Variants in LDB2 observed in about 807,000 individuals in gnomAD.
The protein encoded by LDB2 is LIM domain-binding protein 2.
A neutral mutation model predicts 44.3 loss-of-function variants in LDB2; 12 were observed. The ratio of observed to expected loss-of-function variants is 0.27; its 90% confidence interval spans 0.17 to 0.44. LDB2 has a LOEUF of 0.44. Ranked by LOEUF, LDB2 falls within the 20% of genes least tolerant of loss-of-function variation. The pLI is 1.00. For synonymous variants in LDB2, 164 were observed against 174.8 expected, an observed-to-expected ratio of 0.94 and a Z score of 0.49; for missense variants, 344 against 473.5, an observed-to-expected ratio of 0.73 and a Z score of 2.54.
chr4:16,855,963 G>A (rs1181362650), intron 1 of LDB2, among the ~76,000 whole-genome samples: 1 of 152,078 alleles, frequency 6.6e-6, no homozygotes, highest in Non-Finnish European at 1.5e-5. Context: ...CCACACTAAA[G>A]CTAACACTTA....
intron 4 of LDB2, 141 bp from the exon 5 acceptor site, chr4:16,586,146 A>G (rs919024723): frequency 1.6e-6 from 1 of 644,394 alleles, no homozygotes; most frequent in African/African-American, 1.8e-5. Context: ...GAGGTAATTT[A>G]ATTTACATTT....
At chr4:16,839,446 C>T (rs1785467464) in intron 1 of LDB2, among the ~76,000 whole-genome samples, 1 of 152,200 alleles carries the variant, frequency 6.6e-6, no homozygotes, top group Non-Finnish European at 1.5e-5. Context: ...AGGGATCCAC[C>T]TCCATGGCTC....
chr4:16,650,141 A>G (rs944504953), intron 2 of LDB2, among the ~76,000 whole-genome samples: 2 of 152,150 alleles, frequency 1.3e-5, no homozygotes, highest in Non-Finnish European at 2.9e-5. Flanking sequence ...CTAATTTCCA[A>G]TCCTGGCACC....
chr4:16,735,993 C>A (rs536736695), intron 2 of LDB2, among the ~76,000 whole-genome samples: 1 of 152,154 alleles, frequency 6.6e-6, no homozygotes, highest in Admixed American at 6.5e-5. Context: ...GAGCAATTAT[C>A]CAGGGAGCTG....
intron 7 of LDB2, chr4:16,505,989 A>G (rs1719254539): frequency 3.2e-6 from 5 of 1,550,520 alleles, no homozygotes; most frequent in Non-Finnish European, 4.4e-6. Context: ...GCCCCTGCTC[A>G]TGGAGTGAGA....
At chr4:16,890,686 T>C (rs1003763548) in intron 1 of LDB2, among the ~76,000 whole-genome samples, 2 of 152,130 alleles carry the variant, frequency 1.3e-5, no homozygotes, top group African/African-American at 2.4e-5. Flanking sequence ...AGGATGGCCA[T>C]GCATGAACTG....
At chr4:16,505,784 C>T in intron 7 of LDB2, 1 of 1,479,602 alleles carries the variant, frequency 6.8e-7, no homozygotes, top group Non-Finnish European at 9.0e-7. Flanking sequence ...GGAGGTGCCA[C>T]CAGCTCTCAC....
At chr4:16,660,324 C>T (rs932194699) in intron 2 of LDB2, among the ~76,000 whole-genome samples, 2 of 152,064 alleles carry the variant, frequency 1.3e-5, no homozygotes, top group Admixed American at 1.3e-4. Flanking sequence ...CATCAAGGGG[C>T]CTTAGGCAAG....
chr4:16,626,456 G>A (rs17425277), intron 2 of LDB2, among the ~76,000 whole-genome samples: 77,330 of 151,934 alleles, frequency 0.51, 19,879 homozygotes, highest in Middle Eastern at 0.65. Context: ...AATTGGTCAC[G>A]AATGACCAGC....
At chr4:16,869,375 G>C (rs1715765089) in intron 1 of LDB2, among the ~76,000 whole-genome samples, 1 of 151,812 alleles carries the variant, frequency 6.6e-6, no homozygotes, top group Admixed American at 6.6e-5. Context: ...CAGACATGGA[G>C]GTGATAATAT....
intron 1 of LDB2, among the ~76,000 whole-genome samples, chr4:16,780,262 G>A (rs569335660): frequency 3.7e-4 from 56 of 151,966 alleles, no homozygotes; most frequent in African/African-American, 1.3e-3. Context: ...TCACTCTGTC[G>A]CCCAGGCTGG....
At chr4:16,735,814 T>C (rs940341371) in intron 2 of LDB2, among the ~76,000 whole-genome samples, 2 of 152,158 alleles carry the variant, frequency 1.3e-5, no homozygotes, top group African/African-American at 4.8e-5. Flanking sequence ...AACAGTACTT[T>C]TCAAGATGGA....
chr4:16,770,522 T>C (rs1770427783), intron 1 of LDB2, among the ~76,000 whole-genome samples: 1 of 152,170 alleles, frequency 6.6e-6, no homozygotes, highest in Non-Finnish European at 1.5e-5. Flanking sequence ...CTCTATCAAG[T>C]TGGTAATTTT....
In LDB2 at chr4:16,638,885, G is replaced by C. The variant is rs372181947; in HGVS notation, c.236-43010C>G. On this transcript the variant is annotated intron_variant, in intron 2 of 7. Coordinates refer to ENST00000304523, the MANE Select transcript of LDB2 (RefSeq NM_001290.5). ...CCAACACGGGTTTTGTGGGAGCACA[G>C]AGATGCAATCTCCAATTTGGAATCG... Among the ~76,000 whole-genome samples, 25 of 152,248 alleles carry C rather than the reference G, an allele frequency of 1.6e-4. 1 individual carries two copies. Among genetic ancestry groups the C allele is most frequent in the African/African-American group, 5.3e-4 (22 of 41,542 alleles).
At chr4:16,623,073 T>C (rs1360238961) in intron 2 of LDB2, among the ~76,000 whole-genome samples, 1 of 152,200 alleles carries the variant, frequency 6.6e-6, no homozygotes, top group Non-Finnish European at 1.5e-5. Flanking sequence ...TGTCTTTTTA[T>C]TTATTCCTGT....
intron 5 of LDB2, among the ~76,000 whole-genome samples, chr4:16,513,569 G>A (rs985346324): frequency 2.0e-5 from 3 of 152,150 alleles, no homozygotes; most frequent in Admixed American, 6.6e-5. Flanking sequence ...CTATGCTGAC[G>A]TTTCTCGAAG....
chr4:16,616,484 C>T (rs1326154295), intron 2 of LDB2, among the ~76,000 whole-genome samples: 2 of 151,888 alleles, frequency 1.3e-5, no homozygotes, highest in Non-Finnish European at 2.9e-5. Flanking sequence ...ATAAAATCAA[C>T]TTGATGTCCA....
intron 1 of LDB2, among the ~76,000 whole-genome samples, chr4:16,792,245 T>A (rs1411337996): frequency 1.3e-5 from 2 of 152,210 alleles, no homozygotes; most frequent in East Asian, 3.8e-4. Flanking sequence ...TATTTTAGTC[T>A]GGACAACAGG....
rs79285619 is a variant in LDB2 at position 16,852,478 on chromosome 4, T to A, written c.132+45876A>T. Among the ~76,000 whole-genome samples, 1,201 of 152,286 alleles carry A rather than the reference T, an allele frequency of 7.9e-3. 15 individuals carry two copies. Among genetic ancestry groups the A allele is most frequent in the African/African-American group, 0.028 (1,144 of 41,574 alleles). ...CATGAAGGAAAATCCATTCATAAAG[T>A]ACTTGGAGGATCATCTGGACAAAAG... On this transcript the variant is annotated intron_variant, in intron 1 of 7. Coordinates refer to ENST00000304523, the MANE Select transcript of LDB2 (RefSeq NM_001290.5).
Sources: allele counts gnomAD v4.1 joint callset (sites outside exome capture counted in the v4.1 genomes callset), GRCh38; gene constraint gnomAD v4.1.1; transcripts MANE v1.5; gene names NCBI Gene and HGNC (gene_info 2026-07-23, HGNC 2026-07-21).